CCSER1: variants seen among roughly 807,000 people sequenced by gnomAD.
CCSER1 encodes coiled-coil serine rich protein 1.
CCSER1 carries 41 observed loss-of-function variants against 82.0 expected under a neutral mutation model. The ratio of observed to expected loss-of-function variants is 0.50; its 90% confidence interval spans 0.39 to 0.65. The LOEUF (loss-of-function observed/expected upper bound fraction) is 0.65, where lower values mean the gene tolerates loss of function less well. Ranked by LOEUF, CCSER1 falls within the 30% of genes least tolerant of loss-of-function variation. The pLI is 0.00. For synonymous variants in CCSER1, 414 were observed against 383.9 expected, an observed-to-expected ratio of 1.08 and a Z score of -0.92; for missense variants, 1,119 against 1,064.2, an observed-to-expected ratio of 1.05 and a Z score of -0.72.
At chr4:91,008,911 A>G (rs1581324283) in intron 9 of CCSER1, among the ~76,000 whole-genome samples, 1 of 152,158 alleles carries the variant, frequency 6.6e-6, no homozygotes, top group African/African-American at 2.4e-5. Context: ...TTATAGCTCT[A>G]TTAGAAGCTG....
At chr4:90,476,245 A>G (rs79296947) in intron 5 of CCSER1, among the ~76,000 whole-genome samples, 2,420 of 152,110 alleles carry the variant, frequency 0.016, 40 homozygotes, top group African/African-American at 0.047. Flanking sequence ...CATAAGATGC[A>G]TTTCCTGAAA....
intron 5 of CCSER1, among the ~76,000 whole-genome samples, chr4:90,587,455 C>A (rs1782159404): frequency 6.6e-6 from 1 of 152,080 alleles, no homozygotes; most frequent in Non-Finnish European, 1.5e-5. Context: ...ACTAAAAATA[C>A]AAAAATTAGC....
intron 10 of CCSER1, among the ~76,000 whole-genome samples, chr4:91,206,637 T>C (rs1422685018): frequency 6.6e-6 from 1 of 151,814 alleles, no homozygotes; most frequent in East Asian, 1.9e-4. Context: ...CTTTGGCAGA[T>C]TGAAAGGCAC....
intron 5 of CCSER1, among the ~76,000 whole-genome samples, chr4:90,608,694 C>T (rs1164513900): frequency 6.6e-6 from 1 of 151,978 alleles, no homozygotes; most frequent in Non-Finnish European, 1.5e-5. Flanking sequence ...TTAATGTTTC[C>T]ATTAAACTCC....
At chr4:90,162,924 A>G (rs1338485355) in intron 1 of CCSER1, among the ~76,000 whole-genome samples, 2 of 152,168 alleles carry the variant, frequency 1.3e-5, no homozygotes, top group African/African-American at 4.8e-5. Flanking sequence ...ACCTAATTGA[A>G]TAGTATAAAA....
At chr4:91,133,334 A>C (rs1003473000) in intron 10 of CCSER1, among the ~76,000 whole-genome samples, 4 of 152,142 alleles carry the variant, frequency 2.6e-5, no homozygotes, top group Admixed American at 1.3e-4. Context: ...GGTGTCAGAA[A>C]GTGCTAAGAT....
chr4:90,355,805 C>T (rs2153515199), intron 3 of CCSER1, among the ~76,000 whole-genome samples: 1 of 152,078 alleles, frequency 6.6e-6, no homozygotes, highest in East Asian at 1.9e-4. Flanking sequence ...ATACAGACTT[C>T]TGCACTTGCT....
chr4:91,361,424 CAGAA>C (rs1347326160), intron 10 of CCSER1, among the ~76,000 whole-genome samples: 1 of 151,694 alleles, frequency 6.6e-6, no homozygotes, highest in African/African-American at 2.4e-5. Context: ...TTTTTGGACA[CAGAA>C]AGACTTTCTG....
chr4:91,514,660 T>C (rs1049307546), intron 10 of CCSER1, among the ~76,000 whole-genome samples: 8 of 152,100 alleles, frequency 5.3e-5, no homozygotes, highest in African/African-American at 1.9e-4. Flanking sequence ...GCTTATGTGA[T>C]TATGGAGACT....
chr4:91,229,111 A>G (rs992736830), intron 10 of CCSER1, among the ~76,000 whole-genome samples: 1 of 152,144 alleles, frequency 6.6e-6, no homozygotes, highest in Non-Finnish European at 1.5e-5. Context: ...TATGAGCAGC[A>G]TGCAGCTGCC....
chr4:90,627,815 C>T (rs1186572790), intron 5 of CCSER1, among the ~76,000 whole-genome samples: 2 of 151,938 alleles, frequency 1.3e-5, no homozygotes, highest in Non-Finnish European at 2.9e-5. Flanking sequence ...CCCATCTCTA[C>T]TAAGAATACA....
chr4:90,663,832 T>C (rs1340074712), intron 6 of CCSER1: 1 of 340,518 alleles, frequency 2.9e-6, no homozygotes, highest in Non-Finnish European at 6.2e-6. Flanking sequence ...TTGTGTGTTA[T>C]TGTTACTTAT....
intron 7 of CCSER1, among the ~76,000 whole-genome samples, chr4:90,807,611 G>A (rs1213738664): frequency 6.6e-6 from 1 of 150,916 alleles, no homozygotes. Context: ...TAATGACCAT[G>A]GTGAAAATCG....
intron 6 of CCSER1, among the ~76,000 whole-genome samples, chr4:90,651,052 A>G (rs1579719999): frequency 6.6e-6 from 1 of 152,324 alleles, no homozygotes; most frequent in African/African-American, 2.4e-5. Context: ...TAAAGACTTG[A>G]ATAATAGTAG....
At chr4:90,980,780 A>G (rs901053820) in intron 9 of CCSER1, among the ~76,000 whole-genome samples, 2 of 151,798 alleles carry the variant, frequency 1.3e-5, no homozygotes, top group Non-Finnish European at 2.9e-5. Flanking sequence ...GGCCTGGACC[A>G]CATAGAATGA....
In CCSER1 at chr4:90,348,893, T is replaced by C. The variant is rs144357932; in HGVS notation, c.1509+35846T>C. 2.8e-3 allele frequency among the ~76,000 whole-genome samples: 426 copies of C among 152,272 alleles called. 3 individuals carry two copies. Among genetic ancestry groups the C allele is most frequent in the African/African-American group, 9.7e-3 (403 of 41,576 alleles). On this transcript the variant is annotated intron_variant, in intron 3 of 10. Coordinates refer to ENST00000509176, the MANE Select transcript of CCSER1 (RefSeq NM_001145065.2). The stretch of plus-strand genomic sequence containing the variant: ...ACTATCTGGAATGTGGCTTTGTCCA[T>C]ATTTTTATATATCTTTTTTCTATTA...
chr4:90,754,035 C>T (rs1305368101), intron 7 of CCSER1, among the ~76,000 whole-genome samples: 1 of 152,194 alleles, frequency 6.6e-6, no homozygotes, highest in Non-Finnish European at 1.5e-5. Flanking sequence ...ACTTCCCTAA[C>T]TGCCCTTCTA....
intron 10 of CCSER1, among the ~76,000 whole-genome samples, chr4:91,288,806 A>G (rs755357716): frequency 6.6e-6 from 1 of 152,064 alleles, no homozygotes; most frequent in African/African-American, 2.4e-5. Flanking sequence ...AGATACAAAA[A>G]TACATGATGG....
intron 9 of CCSER1, among the ~76,000 whole-genome samples, chr4:90,924,779 T>C (rs760088747): frequency 1.4e-4 from 21 of 152,120 alleles, no homozygotes; most frequent in Admixed American, 2.6e-4. Context: ...CAGGCTGGAG[T>C]GCACTGGCGC....
Sources: allele counts gnomAD v4.1 joint callset (sites outside exome capture counted in the v4.1 genomes callset), GRCh38; gene constraint gnomAD v4.1.1; transcripts MANE v1.5; gene names NCBI Gene and HGNC (gene_info 2026-07-23, HGNC 2026-07-21).